GHR: variants seen among roughly 807,000 people sequenced by gnomAD.
The protein encoded by GHR is GH receptor.
A neutral mutation model predicts 67.1 loss-of-function variants in GHR; 35 were observed. The ratio of observed to expected loss-of-function variants is 0.52; its 90% confidence interval spans 0.40 to 0.69. The LOEUF is 0.69. Ranked by LOEUF, GHR falls within the 30% of genes least tolerant of loss-of-function variation. The pLI is 0.00. For synonymous variants in GHR, 272 were observed against 269.1 expected, an observed-to-expected ratio of 1.01 and a Z score of -0.10; for missense variants, 792 against 764.6, an observed-to-expected ratio of 1.04 and a Z score of -0.42.
intron 1 of GHR, among the ~76,000 whole-genome samples, chr5:42,426,615 A>G (rs759812780): frequency 1.3e-5 from 2 of 152,196 alleles, no homozygotes; most frequent in Non-Finnish European, 2.9e-5. Flanking sequence ...GAACCCTATA[A>G]TTTCTGTGGT....
At chr5:42,687,077 G>C (rs1322870671) in intron 3 of GHR, among the ~76,000 whole-genome samples, 1 of 152,126 alleles carries the variant, frequency 6.6e-6, no homozygotes, top group Non-Finnish European at 1.5e-5. Context: ...ATTCACAATT[G>C]CTACAAAGAG....
intron 1 of GHR, chr5:42,465,890 A>G (rs1215892169): frequency 4.2e-6 from 3 of 716,226 alleles, no homozygotes; most frequent in Non-Finnish European, 7.7e-6. Context: ...CCTTTCATCA[A>G]GTGGCTTTTC....
At chr5:42,631,045 C>T (rs1753904226) in intron 3 of GHR, among the ~76,000 whole-genome samples, 1 of 151,742 alleles carries the variant, frequency 6.6e-6, no homozygotes, top group Non-Finnish European at 1.5e-5. Context: ...GTTTCCCTGT[C>T]TCCTGTCCAT....
At chr5:42,492,769 C>CT (rs1276937399) in intron 1 of GHR, among the ~76,000 whole-genome samples, 13 of 152,106 alleles carry the variant, frequency 8.5e-5, no homozygotes, top group Admixed American at 6.6e-5. Context: ...TAAAGGTACT[C>CT]TTAAGAGAAA....
chr5:42,670,313 TC>T lies in GHR; in HGVS notation c.137-18575del, dbSNP rs570441108. ...TAAATGGTGCTGAGAAAACTGGAAA[TC>T]CACATGCTGAAGAATGAAATTAGAT... On this transcript the variant is annotated intron_variant, in intron 3 of 9. Transcript: ENST00000230882. Among the ~76,000 whole-genome samples the T allele has an allele frequency of 4.4e-3, 663 of 152,170 alleles. 4 individuals carry two copies. The highest frequency in any genetic ancestry group is 6.5e-3 in the Non-Finnish European group (442 of 67,986).
At chr5:42,575,626 C>G (rs770269500) in intron 2 of GHR, among the ~76,000 whole-genome samples, 1 of 151,594 alleles carries the variant, frequency 6.6e-6, no homozygotes, top group Non-Finnish European at 1.5e-5. Context: ...TACACACTAT[C>G]AGTTGTCCAA....
intron 1 of GHR, among the ~76,000 whole-genome samples, chr5:42,437,452 G>C (rs1039381924): frequency 2.0e-5 from 3 of 152,134 alleles, no homozygotes; most frequent in South Asian, 4.1e-4. Context: ...CTGCAAAGTG[G>C]TGTGCTTTCA....
intron 3 of GHR, among the ~76,000 whole-genome samples, chr5:42,676,310 C>T (rs1756572685): frequency 6.6e-6 from 1 of 152,066 alleles, no homozygotes; most frequent in South Asian, 2.1e-4. Context: ...ATTAATAGTT[C>T]AGGTGAGAAC....
At chr5:42,586,915 GA>G (rs1177661854) in intron 2 of GHR, among the ~76,000 whole-genome samples, 1 of 151,930 alleles carries the variant, frequency 6.6e-6, no homozygotes, top group Non-Finnish European at 1.5e-5. Context: ...TAAATAACAT[GA>G]AAAGGGAAAG....
chr5:42,622,965 G>A (rs996207302), intron 2 of GHR, among the ~76,000 whole-genome samples: 12 of 152,188 alleles, frequency 7.9e-5, no homozygotes, highest in South Asian at 2.1e-4. Context: ...ACAACATCCC[G>A]TCTTCACATC....
chr5:42,651,397 A>G (rs191479676), intron 3 of GHR, among the ~76,000 whole-genome samples: 1 of 152,256 alleles, frequency 6.6e-6, no homozygotes, highest in African/African-American at 2.4e-5. Context: ...TGAGAATGAA[A>G]CAGAAGCTTT....
chr5:42,468,098 G>T, intron 1 of GHR: 1 of 1,103,998 alleles, frequency 9.1e-7, no homozygotes, highest in Non-Finnish European at 1.3e-6. Context: ...CTCAGTTTTT[G>T]GAACCAGTAA....
At chr5:42,516,226 T>C (rs1747231467) in intron 1 of GHR, among the ~76,000 whole-genome samples, 1 of 152,192 alleles carries the variant, frequency 6.6e-6, no homozygotes, top group African/African-American at 2.4e-5. Flanking sequence ...TTTCCACCTT[T>C]AAAGCAGTTA....
chr5:42,493,408 T>C (rs1188165876), intron 1 of GHR, among the ~76,000 whole-genome samples: 1 of 151,610 alleles, frequency 6.6e-6, no homozygotes, highest in Non-Finnish European at 1.5e-5. Context: ...TCTGATTTTG[T>C]TTTTTTTACA....
chr5:42,667,546 CAA>C (rs1756052766), intron 3 of GHR, among the ~76,000 whole-genome samples: 2 of 152,130 alleles, frequency 1.3e-5, no homozygotes, highest in Admixed American at 1.3e-4. Flanking sequence ...GGCATCACCC[CAA>C]TCTAATTAAA....
intron 1 of GHR, among the ~76,000 whole-genome samples, chr5:42,436,371 G>T (rs569031766): frequency 6.6e-6 from 1 of 152,266 alleles, no homozygotes; most frequent in Admixed American, 6.5e-5. Flanking sequence ...TAGGTATACA[G>T]AATTTGAAAA....
rs148425256 is a variant in GHR at position 42,467,000 on chromosome 5, C to T, written c.-12+43045C>T. 1,123 of 1,571,432 alleles carry T rather than the reference C, an allele frequency of 7.1e-4. 15 individuals carry two copies. In the African/African-American group the frequency reaches 0.013, roughly 18 times the overall value. On this transcript the variant is annotated intron_variant, in intron 1 of 9. Coordinates refer to ENST00000230882, the MANE Select transcript of GHR (RefSeq NM_000163.5). ...TCCCCAGTGTGGGTTCTCTGGTGCA[C>T]CGTGAGGCTCAACCTCTGTCTGAAG... is the stretch of plus-strand genomic sequence containing the variant.
chr5:42,445,863 T>C (rs1743786392), intron 1 of GHR, among the ~76,000 whole-genome samples: 2 of 152,220 alleles, frequency 1.3e-5, no homozygotes, highest in African/African-American at 4.8e-5. Context: ...TCTTTACATA[T>C]TGAAGTGCCA....
intron 3 of GHR, among the ~76,000 whole-genome samples, chr5:42,682,256 T>C (rs1382390449): frequency 6.6e-6 from 1 of 152,216 alleles, no homozygotes; most frequent in Non-Finnish European, 1.5e-5. Context: ...GGCTCTCTTG[T>C]TAATTGCAAC....
Sources: allele counts gnomAD v4.1 joint callset (sites outside exome capture counted in the v4.1 genomes callset), GRCh38; gene constraint gnomAD v4.1.1; transcripts MANE v1.5; gene names NCBI Gene and HGNC (gene_info 2026-07-23, HGNC 2026-07-21).